Variants in RIC1 observed in about 807,000 individuals in gnomAD.
RIC1 encodes the protein guanine nucleotide exchange factor subunit RIC1.
A neutral mutation model predicts 169.0 loss-of-function variants in RIC1; 88 were observed. The ratio of observed to expected loss-of-function variants is 0.52; its 90% CI spans 0.44 to 0.62. The LOEUF is 0.62. Among genes scored for constraint, RIC1 ranks in the 20% least tolerant of loss-of-function variants. RIC1 has a pLI of 0.00. For missense variants in RIC1, 1,877 were observed against 1,725.5 expected (o/e 1.09, Z -1.56); for synonymous variants, 790 against 601.5 (o/e 1.31, Z -4.59).
chr9:5,634,404 C>T (rs1817869930), intron 1 of RIC1, among the ~76,000 whole-genome samples: 2 of 152,164 alleles, frequency 1.3e-5, no homozygotes, highest in East Asian at 3.8e-4. Flanking sequence ...TATGATTTAA[C>T]TTCTTGATAA....
chr9:5,770,076 C>T lies in RIC1; in HGVS notation c.3425-11C>T, dbSNP rs374662290. The T allele has an allele frequency of 2.5e-4, 396 of 1,590,834 alleles. No individual in the cohort carries two copies. Among genetic ancestry groups the T allele is most frequent in the Non-Finnish European group, 3.3e-4 (386 of 1,169,088 alleles). On this transcript the variant is annotated splice_polypyrimidine_tract_variant and intron_variant, in intron 22 of 25. Transcript: ENST00000414202. ...CTTCCTCCATTTTTTGTTTTCGGAC[C>T]CACTCTGCAGTGGGAGAGCAGCTGT... is the stretch of plus-strand genomic sequence containing the variant.
rs1261745451 is a variant in RIC1, at chr9:5,720,759, T to G, written c.720+9T>G. On this transcript the variant is annotated intron_variant, in intron 6 of 25. Transcript: ENST00000414202. ...GTAGATTTACTGCAGAGGTATGACT[T>G]ATTTACTTTGAAGGGTTTTTTGTTA... 1 of 1,580,198 alleles carries G rather than the reference T, an allele frequency of 6.3e-7. No individual in the cohort carries two copies. Among genetic ancestry groups the G allele is most frequent in the South Asian group, 1.2e-5 (1 of 84,916 alleles).
At chr9:5,698,196 A>G (rs557039502) in intron 3 of RIC1, among the ~76,000 whole-genome samples, 1 of 152,206 alleles carries the variant, frequency 6.6e-6, no homozygotes, top group African/African-American at 2.4e-5. Context: ...TTTGTGAATC[A>G]GTTTTCTGTA....
At chr9:5,654,632 C>T (rs1407061162) in intron 1 of RIC1, among the ~76,000 whole-genome samples, 1 of 152,094 alleles carries the variant, frequency 6.6e-6, no homozygotes, top group South Asian at 2.1e-4. Flanking sequence ...CTGTACCTCC[C>T]AGGTTTAAGC....
intron 2 of RIC1, among the ~76,000 whole-genome samples, chr9:5,667,146 A>G (rs10815262): frequency 0.33 from 49,971 of 151,472 alleles, 8,705 homozygotes; most frequent in East Asian, 0.58. Context: ...GGGACATAGC[A>G]TAATGCCATC....
intron 7 of RIC1, among the ~76,000 whole-genome samples, chr9:5,735,355 C>A (rs975246918): frequency 6.6e-5 from 10 of 152,310 alleles, no homozygotes; most frequent in Non-Finnish European, 1.2e-4. Context: ...GAAGCAGTGG[C>A]AAGTGTGCAG....
chr9:5,739,372 A>G (rs574930300), intron 8 of RIC1, among the ~76,000 whole-genome samples: 1 of 152,198 alleles, frequency 6.6e-6, no homozygotes, highest in Admixed American at 6.5e-5. Context: ...GCCCAAATCA[A>G]TAAATTCAGC....
At chr9:5,737,927 G>A (rs1422878463) in intron 7 of RIC1, among the ~76,000 whole-genome samples, 11 of 152,100 alleles carry the variant, frequency 7.2e-5, no homozygotes, top group African/African-American at 2.4e-4. Flanking sequence ...CATTGTCACC[G>A]TGTTCATGTT....
At chr9:5,757,290 G>A in intron 16 of RIC1, 23 bp from the exon 17 acceptor site, 2 of 1,613,052 alleles carry the variant, frequency 1.2e-6, no homozygotes, top group Non-Finnish European at 1.7e-6. Flanking sequence ...GTTGAGGTAT[G>A]TGGGTTTCTT....
intron 3 of RIC1, among the ~76,000 whole-genome samples, chr9:5,707,671 G>C (rs370332841): frequency 6.6e-6 from 1 of 151,678 alleles, no homozygotes; most frequent in Non-Finnish European, 1.5e-5. Context: ...TTTTTTGTTT[G>C]TTTGTTTGTT....
chr9:5,743,120 C>T (rs892785027), intron 9 of RIC1, 107 bp downstream of exon 9: 1 of 997,928 alleles, frequency 1.0e-6, no homozygotes, highest in Middle Eastern at 2.7e-4. Context: ...TGACTCTTAC[C>T]TTAAAACAAT....
At chr9:5,758,722 C>CTTTTTTTTTTTTTTTTTTTTTTCTTTTTT (rs754931692) in intron 17 of RIC1, among the ~76,000 whole-genome samples, 1 of 98,434 alleles carries the variant, frequency 1.0e-5, no homozygotes, top group Admixed American at 1.0e-4. Flanking sequence ...GGTCTCCCTT[C>CTTTTTTTTTTTTTTTTTTTTTTCTTTTTT]TTTTTTTTTT....
chr9:5,747,802 T>TTA (rs397952559), intron 12 of RIC1, among the ~76,000 whole-genome samples: 11 of 150,168 alleles, frequency 7.3e-5, no homozygotes, highest in Admixed American at 4.0e-4. Flanking sequence ...CCTCTTTTTT[T>TTA]GTATAAATTT....
rs376670940 is a variant in RIC1, at chr9:5,714,015, T to C, written c.440+12T>C. 249 of 1,557,986 alleles carry C rather than the reference T, an allele frequency of 1.6e-4. 2 individuals are homozygous for C. The highest frequency in any genetic ancestry group is 3.4e-5 in the South Asian group (3 of 88,696). On this transcript the variant is annotated intron_variant, in intron 4 of 25. Transcript: ENST00000414202. Reference sequence around the variant, plus strand: ...GCACCCATCATGAGGTACAGTACTTTGGTTAAATTTGACATTGTGTGATGA... The same window carrying C: ...GCACCCATCATGAGGTACAGTACTTCGGTTAAATTTGACATTGTGTGATGA...
chr9:5,639,429 C>A (rs1382115066), intron 1 of RIC1, among the ~76,000 whole-genome samples: 1 of 152,076 alleles, frequency 6.6e-6, no homozygotes, highest in African/African-American at 2.4e-5. Context: ...TTATTGATTT[C>A]TAGTTTAACT....
In RIC1 at chr9:5,763,471, T is replaced by A. The variant is rs1365830436; in HGVS notation, c.2444T>A (p.Phe815Tyr). 7 of 1,614,174 alleles carry A rather than the reference T, an allele frequency of 4.3e-6. No individual in the cohort carries two copies. The highest frequency in any genetic ancestry group is 5.9e-6 in the Non-Finnish European group (7 of 1,180,024). Reference protein sequence around the residue: ...NNAREQLEVLFPFCVVERTSQ... With the variant: ...NNAREQLEVLYPFCVVERTSQ... ...GCTAGAGAACAGCTGGAGGTGCTCT[T>A]CCCTTTCTGTGTTGTGGAGAGAACC... Residue 815 changes from phenylalanine to tyrosine, a missense_variant, in exon 19 of 26, where the codon TTC becomes TAC. Physicochemically the swap from Phe to Tyr is conservative, Grantham distance 22 (BLOSUM62 3). Around this residue, in one of 3 missense-constraint regions of RIC1, gnomAD observed 1,104 missense variants for 992.0 expected, o/e 1.11. Transcript: ENST00000414202. This position sits in a 1 kb window ranked among gnomAD's most constrained non-coding sequence, Gnocchi z 5.2.
intron 17 of RIC1, among the ~76,000 whole-genome samples, chr9:5,758,493 T>C (rs1826137943): frequency 6.6e-6 from 1 of 152,196 alleles, no homozygotes; most frequent in African/African-American, 2.4e-5. Flanking sequence ...CTAAAATCAA[T>C]TTTGTTACCT....
chr9:5,771,278 C>G (rs1384546270), intron 23 of RIC1, among the ~76,000 whole-genome samples: 1 of 152,168 alleles, frequency 6.6e-6, no homozygotes, highest in African/African-American at 2.4e-5. Context: ...CTGAATTTGA[C>G]TATTCTAGGT....
Position 5,713,933 on chromosome 9 carries a change from G to C in RIC1, c.370G>C (p.Glu124Gln), listed in dbSNP as rs755974165. ...PQMKGTPHFK[E>Q]EQCAPALNLE... is the part of the protein sequence containing the mutation. ...AATGAAGGGGACACCCCATTTTAAG[G>C]AAGAACAGTGTGCTCCAGCATTAAA... The change falls in exon 4 of 26, where the codon GAA becomes CAA. Residue 124 changes from glutamate to glutamine, a missense_variant. Transcript: ENST00000414202. The C allele has an allele frequency of 1.9e-6, 3 of 1,613,216 alleles. No individual in the cohort carries two copies. Among genetic ancestry groups the C allele is most frequent in the Non-Finnish European group, 2.5e-6 (3 of 1,179,416 alleles).
Sources: gnomAD v4.1 joint callset for allele counts (sites outside exome capture counted in the v4.1 genomes callset) on GRCh38, gnomAD v4.1.1 for gene constraint, gnomAD v4.1.1 regional missense constraint, Gnocchi (gnomAD v3.1) non-coding constraint, MANE v1.5 for transcripts, NCBI Gene and HGNC (gene_info 2026-07-23, HGNC 2026-07-21) for gene names.